NIBAN1: variants seen among roughly 807,000 people sequenced by gnomAD.
NIBAN1 encodes the protein niban apoptosis regulator 1.
Under a neutral mutation model 75.1 loss-of-function variants are expected in NIBAN1, and 81 were observed. The observed-to-expected ratio is 1.08, with a 90% CI of 0.90 to 1.30. The LOEUF (loss-of-function observed/expected upper bound fraction) is 1.30. NIBAN1 is among the 50% of genes most tolerant of loss of function. NIBAN1 has a pLI of 0.00. For synonymous variants in NIBAN1, 436 were observed against 424.8 expected, an observed-to-expected ratio of 1.03 and a Z score of -0.32; for missense variants, 1,133 against 1,128.1, an observed-to-expected ratio of 1.00 and a Z score of -0.06.
intron 5 of NIBAN1, among the ~76,000 whole-genome samples, chr1:184,833,099 T>A (rs1340932852): frequency 6.6e-6 from 1 of 151,770 alleles, no homozygotes; most frequent in Admixed American, 6.6e-5. Context: ...AACATTACAT[T>A]GGTGATTTGG....
intron 1 of NIBAN1, among the ~76,000 whole-genome samples, chr1:184,912,945 A>C (rs1657282776): frequency 1.3e-5 from 2 of 152,102 alleles, no homozygotes; most frequent in African/African-American, 4.8e-5. Flanking sequence ...AGGCCTACTG[A>C]ATCAGAAATT....
At chr1:184,954,972 G>T (rs926059862) in intron 1 of NIBAN1, among the ~76,000 whole-genome samples, 4 of 152,154 alleles carry the variant, frequency 2.6e-5, no homozygotes, top group African/African-American at 9.7e-5. Context: ...AGCCATAGAT[G>T]TAAGCCTCAA....
intron 9 of NIBAN1, among the ~76,000 whole-genome samples, chr1:184,816,313 T>C (rs1571486961): frequency 6.6e-6 from 1 of 152,194 alleles, no homozygotes; most frequent in African/African-American, 2.4e-5. Flanking sequence ...TGTCAAATGG[T>C]CCCCCTTCAA....
chr1:184,798,016 G>T, intron 13 of NIBAN1, 63 bp downstream of exon 13: 2 of 1,040,422 alleles, frequency 1.9e-6, no homozygotes, highest in Non-Finnish European at 2.9e-6. Flanking sequence ...GCCTTACAGA[G>T]TCCTATTTCA....
intron 5 of NIBAN1, among the ~76,000 whole-genome samples, chr1:184,860,129 T>A (rs1655777810): frequency 6.6e-6 from 1 of 151,966 alleles, no homozygotes; most frequent in African/African-American, 2.4e-5. Context: ...AACTATGGTG[T>A]GAGTGGGGTT....
At chr1:184,920,450 T>A (rs1242945328) in intron 1 of NIBAN1, among the ~76,000 whole-genome samples, 1 of 152,180 alleles carries the variant, frequency 6.6e-6, no homozygotes, top group African/African-American at 2.4e-5. Flanking sequence ...TATTGTTAAC[T>A]ATACTCACCC....
At chr1:184,929,395 T>A (rs557808994) in intron 1 of NIBAN1, among the ~76,000 whole-genome samples, 3 of 152,180 alleles carry the variant, frequency 2.0e-5, no homozygotes, top group Non-Finnish European at 4.4e-5. Flanking sequence ...TCTAAAAAAA[T>A]TGCTTTTATT....
chr1:184,974,481 A>AGACAGGAGGCGAGAGGCGAGT lies in NIBAN1; in HGVS notation c.-126_-125insACTCGCCTCTCGCCTCCTGTC. On this transcript the variant is annotated 5_prime_UTR_variant, in exon 1 of 14. Coordinates refer to ENST00000367511, the MANE Select transcript of NIBAN1 (RefSeq NM_052966.4). ...GAGCAAACTTCCTTCGAGAGGCGAG[A>AGACAGGAGGCGAGAGGCGAGT]GACAGGAGGCAAGAGGCGTCGCCTT... The AGACAGGAGGCGAGAGGCGAGT allele has an allele frequency of 7.6e-7, 1 of 1,308,486 alleles. No homozygotes were observed. Among genetic ancestry groups the AGACAGGAGGCGAGAGGCGAGT allele is most frequent in the Non-Finnish European group, 1.0e-6 (1 of 964,362 alleles). 81.1% of individuals were successfully genotyped at this position (1,308,486 alleles called of 1,614,324 possible).
chr1:184,922,827 G>A (rs1357470804), intron 1 of NIBAN1, among the ~76,000 whole-genome samples: 2 of 152,150 alleles, frequency 1.3e-5, no homozygotes, highest in Non-Finnish European at 2.9e-5. Flanking sequence ...GGCTGGTCTC[G>A]AACTCCTGAC....
chr1:184,974,322 C>T lies in NIBAN1; in HGVS notation c.35G>A (p.Gly12Asp), dbSNP rs745680680. The T allele has an allele frequency of 3.2e-6, 5 of 1,567,550 alleles. No homozygotes were observed. The African/African-American group carries it at 6.8e-5, about 21-fold the overall frequency. The change falls in exon 1 of 14, where the codon GGC becomes GAC. Residue 12 changes from glycine (G) to aspartate (D), a missense_variant. Transcript: ENST00000367511. Reference protein sequence around the residue: ...GGSASSQLDEGKCAYIRGKTE... With the variant: ...GGSASSQLDEDKCAYIRGKTE... The stretch of plus-strand genomic sequence containing the variant: ...CGTACCTCGGATGTAAGCGCACTTG[C>T]CCTCGTCCAGCTGGCTGGAGGCTGA...
chr1:184,891,422 T>C (rs1656663073), intron 3 of NIBAN1, among the ~76,000 whole-genome samples: 1 of 152,162 alleles, frequency 6.6e-6, no homozygotes, highest in African/African-American at 2.4e-5. Context: ...TAAACTTGTA[T>C]GATATTAAGA....
chr1:184,853,757 A>T (rs1655604770), intron 5 of NIBAN1, among the ~76,000 whole-genome samples: 1 of 152,154 alleles, frequency 6.6e-6, no homozygotes, highest in Non-Finnish European at 1.5e-5. Context: ...ACATGTGCAT[A>T]CACACAAACA....
At chr1:184,879,809 T>C (rs190765350) in intron 5 of NIBAN1, among the ~76,000 whole-genome samples, 232 of 152,318 alleles carry the variant, frequency 1.5e-3, no homozygotes, top group South Asian at 3.3e-3. Flanking sequence ...TAATCACTGT[T>C]ATAGCTCCAC....
intron 1 of NIBAN1, among the ~76,000 whole-genome samples, chr1:184,949,360 A>AAAT (rs1658305699): frequency 1.3e-5 from 2 of 152,234 alleles, no homozygotes; most frequent in South Asian, 4.1e-4. Context: ...TCCGTCTCAA[A>AAAT]AAATAAATAA....
At chr1:184,961,057 CT>C (rs1168955438) in intron 1 of NIBAN1, among the ~76,000 whole-genome samples, 247 of 57,830 alleles carry the variant, frequency 4.3e-3, no homozygotes, top group African/African-American at 0.018. Flanking sequence ...ATATGCCGTT[CT>C]TTTTTTTTTT....
At position 184,823,300 on chromosome 1, in the gene NIBAN1, C is replaced by T. The variant is rs1329926396; in HGVS notation, c.852G>A (p.Gln284=). 5.6e-6 allele frequency: 9 copies of T among 1,614,162 alleles called. No homozygotes were observed. Among genetic ancestry groups the T allele is most frequent in the Middle Eastern group, 1.6e-4 (1 of 6,062 alleles). The change falls in exon 8 of 14, where the codon CAG becomes CAA. Residue 284 remains glutamine, a synonymous_variant. Coordinates refer to ENST00000367511, the MANE Select transcript of NIBAN1 (RefSeq NM_052966.4). The stretch of plus-strand genomic sequence containing the variant: ...CACTTAATCCTTCTGAAACTTGATG[C>T]TGAACCAGGGTGTAGGCCTCCTCGA... ...GLLEEAYTLV[Q]HQVSEGLSAL... is the part of the protein sequence containing the mutation.
chr1:184,862,461 G>A (rs2102277345), intron 5 of NIBAN1, among the ~76,000 whole-genome samples: 1 of 151,956 alleles, frequency 6.6e-6, no homozygotes, highest in East Asian at 1.9e-4. Context: ...GGACTACAGT[G>A]GTATGCCACC....
intron 1 of NIBAN1, among the ~76,000 whole-genome samples, chr1:184,941,957 A>T (rs1658100081): frequency 6.6e-6 from 1 of 152,214 alleles, no homozygotes; most frequent in Non-Finnish European, 1.5e-5. Context: ...TCGGCCACTC[A>T]TTCTGCGACT....
intron 6 of NIBAN1, among the ~76,000 whole-genome samples, chr1:184,831,145 A>G (rs1654989065): frequency 6.6e-6 from 1 of 152,180 alleles, no homozygotes; most frequent in Non-Finnish European, 1.5e-5. Flanking sequence ...CCTTAGATTT[A>G]TAATACTGTC....
Sources: allele counts gnomAD v4.1 joint callset (sites outside exome capture counted in the v4.1 genomes callset), GRCh38; gene constraint gnomAD v4.1.1; transcripts MANE v1.5; gene names NCBI Gene and HGNC (gene_info 2026-07-23, HGNC 2026-07-21).